The following ABCA8 variants were observed in gnomAD, a reference collection of about 807,000 sequenced individuals.
ABCA8 encodes the protein ABC-type organic anion transporter ABCA8.
ABCA8 carries 177 observed loss-of-function variants against 192.3 expected under a neutral mutation model. That is an observed-to-expected ratio of 0.92 (90% CI 0.81 to 1.04). The LOEUF is 1.04. ABCA8 is among the 50% of genes least tolerant of loss of function. The pLI is 0.00. For missense variants in ABCA8, 1,915 were observed against 1,904.8 expected (o/e 1.01, Z -0.10); for synonymous variants, 642 against 690.2 (o/e 0.93, Z 1.09).
At chr17:68,870,123 C>G (rs1006460408) in intron 37 of ABCA8, among the ~76,000 whole-genome samples, 2 of 152,156 alleles carry the variant, frequency 1.3e-5, no homozygotes, top group Admixed American at 1.3e-4. Flanking sequence ...AGATTGTTGT[C>G]CAAAACAACT....
chr17:68,876,584 C>T (rs749732397), intron 34 of ABCA8, 30 bp from the exon 35 acceptor site: 7 of 1,614,024 alleles, frequency 4.3e-6, no homozygotes. Context: ...CCATCTGGTT[C>T]CCATCTATGG....
intron 13 of ABCA8, 48 bp from the exon 14 acceptor site, chr17:68,919,524 T>C (rs1185664334): frequency 6.7e-7 from 1 of 1,496,140 alleles, no homozygotes; most frequent in East Asian, 2.3e-5. Context: ...AAGATATTTC[T>C]TAATAAAATC....
At position 68,869,634 on chromosome 17, in the gene ABCA8, G is replaced by A. The variant is rs541516895; in HGVS notation, c.4711+66C>T. On this transcript the variant is annotated intron_variant, in intron 38 of 39. Transcript: ENST00000586539. ...TGTCACATTTCATTTTTGTCATAAA[G>A]GTGATTATTTTATGATTTGAAATTA... The A allele has an allele frequency of 4.0e-5, 44 of 1,106,508 alleles. No individual in the cohort carries two copies. In the South Asian group the frequency reaches 5.5e-4, roughly 14 times the overall value. 68.5% of individuals were successfully genotyped at this position (1,106,508 alleles called of 1,614,324 possible). A position where few individuals can be genotyped will look rare whatever the true frequency, so the allele number is the denominator to read the frequency against.
chr17:68,899,075 A>G (rs1047470349), intron 21 of ABCA8, among the ~76,000 whole-genome samples: 1 of 152,054 alleles, frequency 6.6e-6, no homozygotes, highest in Admixed American at 6.5e-5. Context: ...AATCACCAAG[A>G]ACATAATTCA....
In ABCA8 at chr17:68,887,388, C is replaced by T; in HGVS notation, c.3263G>A (p.Ser1088Asn). ...FLVFVFIYLM[S>N]YISNFEDMLL... is the part of the protein sequence containing the mutation. Reference sequence around the variant, plus strand: ...CATGTCTTCGAAGTTTGAAATGTAGCTCATTAAATATATAAAAACGAAGAC... The same window carrying T: ...CATGTCTTCGAAGTTTGAAATGTAGTTCATTAAATATATAAAAACGAAGAC... Residue 1088 changes from serine to asparagine, a missense_variant, in exon 25 of 40, where the codon AGC becomes AAC. By Grantham distance (46) the Ser-to-Asn change is conservative. Coordinates refer to ENST00000586539, the MANE Select transcript of ABCA8 (RefSeq NM_001288985.2). The T allele has an allele frequency of 1.2e-6, 2 of 1,612,462 alleles. No homozygotes were observed. Among genetic ancestry groups the T allele is most frequent in the South Asian group, 1.1e-5 (1 of 90,730 alleles).
In ABCA8 at chr17:68,919,298, T is replaced by C. The variant is rs530893788; in HGVS notation, c.1788+3A>G. ...ACACATTAACTTTAACATATTTTTG[T>C]ACCTCTTTATCCACTTCTTGTGGCA... is the stretch of plus-strand genomic sequence containing the variant. On this transcript the variant is annotated splice_donor_region_variant and intron_variant, in intron 14 of 39. Transcript: ENST00000586539. 1.3e-6 allele frequency: 2 copies of C among 1,595,494 alleles called. No individual in the cohort carries two copies. The highest frequency in any genetic ancestry group is 1.1e-5 in the South Asian group (1 of 87,658).
chr17:68,924,556 A>G, intron 11 of ABCA8, 145 bp downstream of exon 11: 1 of 854,478 alleles, frequency 1.2e-6, no homozygotes, highest in Non-Finnish European at 1.7e-6. Context: ...CTTTCTTTGA[A>G]CTTGAGATGG....
At chr17:68,910,337 T>C (rs2067202005) in intron 17 of ABCA8, among the ~76,000 whole-genome samples, 1 of 152,080 alleles carries the variant, frequency 6.6e-6, no homozygotes, top group South Asian at 2.1e-4. Context: ...AGGACAGTCA[T>C]TGTGGGACTT....
intron 7 of ABCA8, among the ~76,000 whole-genome samples, chr17:68,930,348 A>C (rs763142921): frequency 1.1e-4 from 17 of 152,196 alleles, no homozygotes; most frequent in Non-Finnish European, 1.9e-4. Flanking sequence ...TTCACTGAAA[A>C]GTCTACATAC....
At chr17:68,921,347 T>C (rs1363248840) in intron 13 of ABCA8, 35 bp downstream of exon 13, 2 of 1,482,256 alleles carry the variant, frequency 1.3e-6, no homozygotes, top group Non-Finnish European at 1.9e-6. Flanking sequence ...ACTTAAAGTA[T>C]AATTTAAAAA....
At chr17:68,948,106 T>C (rs1027419739) in intron 2 of ABCA8, among the ~76,000 whole-genome samples, 5 of 152,236 alleles carry the variant, frequency 3.3e-5, no homozygotes, top group Non-Finnish European at 7.3e-5. Context: ...TAGTATTCCA[T>C]GGTGTATATG....
chr17:68,954,348 A>G (rs1242954922), intron 1 of ABCA8, among the ~76,000 whole-genome samples: 1 of 152,106 alleles, frequency 6.6e-6, no homozygotes, highest in Non-Finnish European at 1.5e-5. Context: ...GGAATCAGCT[A>G]CAGTCTTAGG....
chr17:68,917,257 CA>C (rs1211762098), intron 17 of ABCA8, 103 bp downstream of exon 17: 1 of 720,836 alleles, frequency 1.4e-6, no homozygotes, highest in African/African-American at 1.8e-5. Context: ...CAAAACAAAA[CA>C]AAAAATAACA....
At chr17:68,916,652 T>C (rs533027152) in intron 17 of ABCA8, among the ~76,000 whole-genome samples, 191 of 152,050 alleles carry the variant, frequency 1.3e-3, no homozygotes, top group African/African-American at 4.6e-3. Flanking sequence ...AGAGGATGGA[T>C]GGGAGGAGAA....
Position 68,918,098 on chromosome 17 carries a change from G to T in ABCA8, c.1996C>A (p.Arg666Ser). 6.2e-7 allele frequency: 1 copy of T among 1,614,134 alleles called. No homozygotes were observed. The highest frequency in any genetic ancestry group is 8.5e-7 in the Non-Finnish European group (1 of 1,180,024). Residue 666 changes from arginine to serine, a missense_variant, in exon 16 of 40, where the codon CGC (arginine) becomes AGC (serine). Coordinates refer to ENST00000586539, the MANE Select transcript of ABCA8 (RefSeq NM_001288985.2). ...WNLLKERKTDRVILFSTQFMD... is the reference protein window; with the variant it reads ...WNLLKERKTDSVILFSTQFMD... The stretch of plus-strand genomic sequence containing the variant: ...AACTGGGTACTGAAGAGGATCACGC[G>T]GTCTGTTTTGCGTTCTTTCAGAAGG...
At chr17:68,935,729 C>T (rs1598284023) in intron 5 of ABCA8, among the ~76,000 whole-genome samples, 1 of 151,650 alleles carries the variant, frequency 6.6e-6, no homozygotes, top group East Asian at 1.9e-4. Context: ...GTTGCTGGAT[C>T]AAATGGTAGT....
At chr17:68,877,800 A>AG in intron 32 of ABCA8, 121 bp from the exon 33 acceptor site, 11 of 1,039,078 alleles carry the variant, frequency 1.1e-5, no homozygotes, top group South Asian at 2.1e-5. Context: ...CATTGGGTTT[A>AG]ATAATCTGTA....
intron 17 of ABCA8, 121 bp from the exon 18 acceptor site, chr17:68,908,000 G>A (rs1183573858): frequency 2.1e-6 from 2 of 961,290 alleles, no homozygotes; most frequent in Middle Eastern, 3.7e-4. Context: ...GCCAGAAATA[G>A]GTCAGACAAA....
chr17:68,877,699 C>T lies in ABCA8; in HGVS notation c.4039-20G>A. ...TAGCACCTGCAGATGAAAGTTCCCT[C>T]TCAGAACCTACCTTCTGCACTGCTT... On this transcript the variant is annotated intron_variant, in intron 32 of 39. Coordinates refer to ENST00000586539, the MANE Select transcript of ABCA8 (RefSeq NM_001288985.2). The T allele has an allele frequency of 6.2e-7, 1 of 1,603,008 alleles. No individual in the cohort carries two copies. Among genetic ancestry groups the T allele is most frequent in the South Asian group, 1.1e-5 (1 of 89,214 alleles).
Sources: gnomAD v4.1 joint callset for allele counts (sites outside exome capture counted in the v4.1 genomes callset) on GRCh38, gnomAD v4.1.1 for gene constraint, MANE v1.5 for transcripts, NCBI Gene and HGNC (gene_info 2026-07-23, HGNC 2026-07-21) for gene names.